ATG10: variants seen among roughly 807,000 people sequenced by gnomAD.
ATG10 encodes the protein autophagy related 10.
In ATG10, 30 loss-of-function variants were observed where a neutral mutation model predicts 32.1. The ratio of observed to expected loss-of-function variants is 0.94; its 90% CI spans 0.70 to 1.27. ATG10 has a LOEUF of 1.27. Ranked by LOEUF, ATG10 falls within the 50% of genes most tolerant of loss-of-function variation. The pLI is 0.00. For synonymous variants in ATG10, 87 were observed against 91.5 expected (o/e 0.95, Z 0.28); for missense variants, 233 against 262.3 (o/e 0.89, Z 0.77).
At chr5:82,238,623 G>T (rs533486007) in intron 5 of ATG10, among the ~76,000 whole-genome samples, 3 of 152,310 alleles carry the variant, frequency 2.0e-5, no homozygotes, top group African/African-American at 4.8e-5. Flanking sequence ...GCAAATATTT[G>T]TAGTGCCTAG....
chr5:82,109,702 T>C (rs984223657), intron 3 of ATG10, among the ~76,000 whole-genome samples: 1 of 151,642 alleles, frequency 6.6e-6, no homozygotes, highest in African/African-American at 2.4e-5. Context: ...TAACCAGAAA[T>C]AGAATTTTCT....
At chr5:82,168,782 G>A (rs1561337052) in intron 4 of ATG10, among the ~76,000 whole-genome samples, 3 of 152,150 alleles carry the variant, frequency 2.0e-5, no homozygotes, top group South Asian at 4.1e-4. Flanking sequence ...AAGAATAATG[G>A]AAAGTTTGGA....
chr5:81,986,627 A>G (rs1443275657), intron 1 of ATG10, among the ~76,000 whole-genome samples: 1 of 152,164 alleles, frequency 6.6e-6, no homozygotes, highest in African/African-American at 2.4e-5. Context: ...TAGACAGATC[A>G]TTGGCCTTGA....
chr5:82,245,415 TTTCC>T, intron 5 of ATG10, among the ~76,000 whole-genome samples: 1 of 152,252 alleles, frequency 6.6e-6, no homozygotes, highest in Middle Eastern at 3.2e-3. Flanking sequence ...TCTACTCTAC[TTTCC>T]GTGAATACAA....
chr5:81,982,708 C>CG (rs1187471317), intron 1 of ATG10, among the ~76,000 whole-genome samples: 1 of 152,114 alleles, frequency 6.6e-6, no homozygotes, highest in Non-Finnish European at 1.5e-5. Context: ...GAGGACCCTG[C>CG]GGCCTTCCGC....
intron 4 of ATG10, among the ~76,000 whole-genome samples, chr5:82,165,395 A>G (rs1743534141): frequency 6.6e-6 from 1 of 152,266 alleles, no homozygotes; most frequent in Non-Finnish European, 1.5e-5. Flanking sequence ...TTTTAATTCA[A>G]AAGTAGCTTA....
intron 5 of ATG10, among the ~76,000 whole-genome samples, chr5:82,250,227 C>T (rs775339152): frequency 5.3e-5 from 8 of 152,260 alleles, no homozygotes; most frequent in African/African-American, 1.9e-4. Context: ...TCATTTCCCC[C>T]ATAGGGTCAT....
chr5:82,221,647 T>C (rs1745933793), intron 5 of ATG10, among the ~76,000 whole-genome samples: 1 of 152,200 alleles, frequency 6.6e-6, no homozygotes, highest in Non-Finnish European at 1.5e-5. Flanking sequence ...GAAGCCACCA[T>C]TTATTTGATA....
intron 3 of ATG10, among the ~76,000 whole-genome samples, chr5:82,106,862 G>A (rs959542602): frequency 1.3e-5 from 2 of 151,702 alleles, no homozygotes; most frequent in Non-Finnish European, 2.9e-5. Flanking sequence ...AAGTAATAAG[G>A]GGCAATTTGA....
At chr5:82,197,244 A>G (rs1744890057) in intron 5 of ATG10, among the ~76,000 whole-genome samples, 1 of 151,890 alleles carries the variant, frequency 6.6e-6, no homozygotes, top group Non-Finnish European at 1.5e-5. Context: ...ATTTTTTTGT[A>G]TCCTGTAACC....
At chr5:82,087,644 A>G (rs1764736349) in intron 3 of ATG10, among the ~76,000 whole-genome samples, 1 of 152,190 alleles carries the variant, frequency 6.6e-6, no homozygotes, top group Non-Finnish European at 1.5e-5. Flanking sequence ...CCCTGCTCTC[A>G]GAATCTTCCC....
chr5:82,050,478 T>C (rs894222787), intron 2 of ATG10, among the ~76,000 whole-genome samples: 1 of 152,128 alleles, frequency 6.6e-6, no homozygotes, highest in Admixed American at 6.6e-5. Context: ...ATTTAGATTC[T>C]ATTCAGTAAC....
chr5:82,233,547 A>C (rs1707797637), intron 5 of ATG10, among the ~76,000 whole-genome samples: 1 of 152,236 alleles, frequency 6.6e-6, no homozygotes, highest in Admixed American at 6.5e-5. Flanking sequence ...AAAGAGTGAG[A>C]GTTTGAACCC....
chr5:82,122,002 G>T (rs1383265508), intron 3 of ATG10, among the ~76,000 whole-genome samples: 2 of 143,288 alleles, frequency 1.4e-5, no homozygotes, highest in East Asian at 2.0e-4. Flanking sequence ...TGCTGGCCTT[G>T]TAGAATGAGT....
At chr5:82,239,727 A>G (rs1746706586) in intron 5 of ATG10, among the ~76,000 whole-genome samples, 1 of 152,192 alleles carries the variant, frequency 6.6e-6, no homozygotes, top group Admixed American at 6.5e-5. Context: ...AAGTGAAGAG[A>G]TATCCTACAG....
chr5:82,080,075 G>A (rs1438012443), intron 3 of ATG10, among the ~76,000 whole-genome samples: 2 of 152,118 alleles, frequency 1.3e-5, no homozygotes, highest in East Asian at 1.9e-4. Context: ...GTGTGAGATG[G>A]TATCTCATTG....
intron 7 of ATG10, 76 bp downstream of exon 7, chr5:82,253,505 C>A: frequency 1.9e-6 from 2 of 1,027,988 alleles, no homozygotes; most frequent in African/African-American, 1.6e-5. Context: ...CTCATCCCAC[C>A]AAATGCAAAA....
At chr5:82,037,880 A>G (rs1242566530) in intron 2 of ATG10, among the ~76,000 whole-genome samples, 1 of 152,162 alleles carries the variant, frequency 6.6e-6, no homozygotes, top group African/African-American at 2.4e-5. Context: ...TTGATAATGA[A>G]TGCATTATTC....
At chr5:82,027,403 AAAAG>A (rs1466672372) in intron 2 of ATG10, among the ~76,000 whole-genome samples, 2 of 152,208 alleles carry the variant, frequency 1.3e-5, no homozygotes, top group Non-Finnish European at 2.9e-5. Flanking sequence ...TGTCTCAAAA[AAAAG>A]AGAAAATCAA....
Sources: allele counts gnomAD v4.1 joint callset (sites outside exome capture counted in the v4.1 genomes callset), GRCh38; gene constraint gnomAD v4.1.1; transcripts MANE v1.5; gene names NCBI Gene and HGNC (gene_info 2026-07-23, HGNC 2026-07-21).